The following HTR2C variants were observed in gnomAD, a reference collection of about 807,000 sequenced individuals.
The protein encoded by HTR2C is 5-hydroxytryptamine receptor 2C, also known as 5-hydroxytryptamine (serotonin) receptor 2C, G protein-coupled.
A neutral mutation model predicts 21.0 loss-of-function variants in HTR2C; 5 were observed. The ratio of observed to expected loss-of-function variants is 0.24; its 90% CI spans 0.12 to 0.50. HTR2C has a LOEUF of 0.50. Among genes scored for constraint, HTR2C ranks in the 20% least tolerant of loss-of-function variants. The pLI is 0.98. For missense variants in HTR2C, 271 were observed against 371.2 expected, an observed-to-expected ratio of 0.73 and a Z score of 2.22; for synonymous variants, 150 against 145.3, an observed-to-expected ratio of 1.03 and a Z score of -0.23.
chrX:114,740,682 ATAACT>A (rs1471075219), intron 4 of HTR2C, among the ~76,000 whole-genome samples: 1 of 112,097 alleles, frequency 8.9e-6, no homozygotes, highest in Non-Finnish European at 1.9e-5. Flanking sequence ...CAGAATCCAA[ATAACT>A]TAATTCTATT....
At chrX:114,775,028 G>T in intron 4 of HTR2C, 1 of 481,561 alleles carries the variant, frequency 2.1e-6, no homozygotes. Flanking sequence ...TTCTTATCCA[G>T]CCATTTGATA....
At chrX:114,823,704 A>G (rs2070655616) in intron 4 of HTR2C, 2 of 264,091 alleles carry the variant, frequency 7.6e-6, no homozygotes, top group Non-Finnish European at 1.4e-5. Context: ...ACTGACTGCT[A>G]TGACCTTGGC....
rs782438365 is a variant in HTR2C, at chrX:114,588,023, T to C, written c.-147+3364T>C. On this transcript the variant is annotated intron_variant, in intron 1 of 5. Coordinates refer to ENST00000276198, the MANE Select transcript of HTR2C (RefSeq NM_000868.4). Reference sequence around the variant, plus strand: ...ATGGAATTTTAATTCTGTTTTTGTCTCCTACCTGGCATCTCTACTTCAACC... The same window carrying C: ...ATGGAATTTTAATTCTGTTTTTGTCCCCTACCTGGCATCTCTACTTCAACC... Among the ~76,000 whole-genome samples the C allele has an allele frequency of 1.9e-4, 21 of 112,625 alleles. No homozygotes were observed. The East Asian group carries it at 5.9e-3, about 32-fold the overall frequency.
chrX:114,601,992 G>A (rs1556394679), intron 1 of HTR2C, among the ~76,000 whole-genome samples: 1 of 102,288 alleles, frequency 9.8e-6, no homozygotes, highest in Non-Finnish European at 2.0e-5. Flanking sequence ...GGTTTTGGAT[G>A]AATTGAAAAA....
chrX:114,667,205 C>CA (rs1367252364), intron 2 of HTR2C, among the ~76,000 whole-genome samples: 2 of 110,408 alleles, frequency 1.8e-5, no homozygotes, highest in African/African-American at 6.6e-5. Flanking sequence ...GTTTTTTTAA[C>CA]AAAAAATACC....
intron 5 of HTR2C, 26 bp from the exon 6 acceptor site, chrX:114,906,563 A>C: frequency 9.3e-7 from 1 of 1,079,066 alleles, no homozygotes; most frequent in Middle Eastern, 2.6e-4. Flanking sequence ...ATGCTATAAC[A>C]ACCCCCTTCC....
intron 2 of HTR2C, among the ~76,000 whole-genome samples, chrX:114,688,272 G>A (rs1254985433): frequency 2.9e-5 from 3 of 103,188 alleles, no homozygotes; most frequent in Non-Finnish European, 2.0e-5. Flanking sequence ...AGTGAGCCGA[G>A]ATCATGCCAC....
chrX:114,775,646 A>T (rs1433457274), intron 4 of HTR2C: 5 of 509,926 alleles, frequency 9.8e-6, no homozygotes, highest in African/African-American at 9.3e-5. Context: ...TCCAGATAGG[A>T]TGGCTGCCTG....
At chrX:114,670,904 GAAGAA>G (rs1931357231) in intron 2 of HTR2C, among the ~76,000 whole-genome samples, 2 of 111,717 alleles carry the variant, frequency 1.8e-5, no homozygotes, top group South Asian at 7.4e-4. Context: ...GAGTTTAGCT[GAAGAA>G]AAGACCTGAA....
intron 2 of HTR2C, among the ~76,000 whole-genome samples, chrX:114,706,899 A>G (rs982891981): frequency 9.0e-6 from 1 of 111,097 alleles, no homozygotes; most frequent in Non-Finnish European, 1.9e-5. Flanking sequence ...ACAATTACAT[A>G]TAAATGACAT....
At chrX:114,597,361 C>T (rs1556392872) in intron 1 of HTR2C, among the ~76,000 whole-genome samples, 1 of 111,320 alleles carries the variant, frequency 9.0e-6, no homozygotes, top group African/African-American at 3.3e-5. Context: ...AAACATTTTA[C>T]GGTTCCTACC....
chrX:114,807,133 A>ATG (rs1491422355), intron 4 of HTR2C, among the ~76,000 whole-genome samples: 940 of 21,790 alleles, frequency 0.043, 399 homozygotes, highest in Admixed American at 0.08. Context: ...TATATACACC[A>ATG]TATATATACC....
At chrX:114,589,993 A>G in intron 1 of HTR2C, 1 of 159,959 alleles carries the variant, frequency 6.3e-6, no homozygotes, top group South Asian at 1.3e-4. Flanking sequence ...GTTAAAAATT[A>G]TTTATCATAT....
intron 2 of HTR2C, among the ~76,000 whole-genome samples, chrX:114,723,024 C>T (rs1344963860): frequency 9.0e-6 from 1 of 111,474 alleles, no homozygotes; most frequent in Non-Finnish European, 1.9e-5. Flanking sequence ...ATGATGCTGG[C>T]CTCATCAAAT....
At chrX:114,614,440 A>G (rs1602638244) in intron 2 of HTR2C, among the ~76,000 whole-genome samples, 1 of 109,854 alleles carries the variant, frequency 9.1e-6, no homozygotes, top group African/African-American at 3.3e-5. Context: ...TTGTATTTTT[A>G]GTAGAGACAG....
chrX:114,802,066 C>G (rs1031197065), intron 4 of HTR2C, among the ~76,000 whole-genome samples: 3 of 110,475 alleles, frequency 2.7e-5, no homozygotes, highest in Admixed American at 9.7e-5. Flanking sequence ...AAGAATTCTC[C>G]CCCACTTCAA....
At position 114,604,296 on chromosome X, in the gene HTR2C, G is replaced by A. The variant is rs368893193; in HGVS notation, c.-146-9519G>A. Among the ~76,000 whole-genome samples, 6 of 110,137 alleles carry A rather than the reference G, an allele frequency of 5.4e-5. No individual in the cohort carries two copies. The East Asian group carries it at 1.4e-3, about 27-fold the overall frequency. ...CCTAATAAGGGAACTGGGCAGGTGG[G>A]GATAACTAAAAAGGAGTGTTTAAAA... On this transcript the variant is annotated intron_variant, in intron 1 of 5. Transcript: ENST00000276198.
chrX:114,770,716 C>T (rs984558008), intron 4 of HTR2C, among the ~76,000 whole-genome samples: 10 of 109,574 alleles, frequency 9.1e-5, no homozygotes, highest in Middle Eastern at 4.3e-3. Context: ...AACATCTAGG[C>T]CCCCTCTGTA....
intron 4 of HTR2C, among the ~76,000 whole-genome samples, chrX:114,819,265 G>T (rs2070611240): frequency 8.9e-6 from 1 of 111,882 alleles, no homozygotes; most frequent in African/African-American, 3.2e-5. Flanking sequence ...CTAGCAAGTT[G>T]AATAATTTAC....
Sources: allele counts gnomAD v4.1 joint callset (sites outside exome capture counted in the v4.1 genomes callset), GRCh38; gene constraint gnomAD v4.1.1; transcripts MANE v1.5; gene names NCBI Gene and HGNC (gene_info 2026-07-23, HGNC 2026-07-21).